PIK3R5: variants seen among roughly 807,000 people sequenced by gnomAD.
PIK3R5 encodes phosphoinositide 3-kinase regulatory subunit 5.
Under a neutral mutation model 94.9 loss-of-function variants are expected in PIK3R5, and 32 were observed. That is an observed-to-expected ratio of 0.34 (90% confidence interval 0.25 to 0.45). PIK3R5 has a LOEUF of 0.45. Among genes scored for constraint, PIK3R5 ranks in the 20% least tolerant of loss-of-function variants. The pLI, the probability that PIK3R5 is intolerant of heterozygous loss-of-function variation, is 1.00. For synonymous variants in PIK3R5, 443 were observed against 479.4 expected, an observed-to-expected ratio of 0.92 and a Z score of 0.99; for missense variants, 853 against 1,144.6, an observed-to-expected ratio of 0.75 and a Z score of 3.68.
chr17:8,880,864 G>C (rs957095951), intron 18 of PIK3R5, 41 bp downstream of exon 18: 2 of 1,613,040 alleles, frequency 1.2e-6, no homozygotes, highest in Non-Finnish European at 1.7e-6. Context: ...GGGTTGGTGG[G>C]AGCAGAAACT....
chr17:8,925,499 AT>A lies in PIK3R5; in HGVS notation c.-13-13993del, dbSNP rs2090865003. On this transcript the variant is annotated intron_variant, in intron 1 of 18. Coordinates refer to ENST00000447110, the MANE Select transcript of PIK3R5 (RefSeq NM_001142633.3). The surrounding 1 kb of genome is among the most constrained non-coding windows in gnomAD (Gnocchi z 5.1). The stretch of plus-strand genomic sequence containing the variant: ...TAGATAGTAGATGGATAGATAGTAG[AT>A]GGATAGATAGTAGATGGATAGATAG... 1.3e-5 allele frequency among the ~76,000 whole-genome samples: 2 copies of A among 151,092 alleles called. No individual in the cohort carries two copies. The highest frequency in any genetic ancestry group is 4.9e-5 in the African/African-American group (2 of 40,592).
rs565334977 is a variant in PIK3R5, at chr17:8,938,101, G to A, written c.-13-26594C>T. 5.9e-5 allele frequency among the ~76,000 whole-genome samples: 9 copies of A among 152,238 alleles called. No individual in the cohort carries two copies. The South Asian group carries it at 1.7e-3, about 28-fold the overall frequency. On this transcript the variant is annotated intron_variant, in intron 1 of 18. Transcript: ENST00000447110. ...GCTGGGCTTCCACATGTGAGCCACC[G>A]CACCCGGCCATTTTTTCTTTAAATG...
At chr17:8,895,467 C>T (rs2090133274) in intron 5 of PIK3R5, among the ~76,000 whole-genome samples, 1 of 152,142 alleles carries the variant, frequency 6.6e-6, no homozygotes, top group African/African-American at 2.4e-5. Context: ...CATTGGCTTC[C>T]AACCCCTCTG....
intron 12 of PIK3R5, 109 bp from the exon 13 acceptor site, chr17:8,886,714 CA>C: frequency 7.9e-7 from 1 of 1,271,458 alleles, no homozygotes; most frequent in Non-Finnish European, 1.1e-6. Context: ...GGCAGCCAGT[CA>C]GGGGGAGCTG....
intron 1 of PIK3R5, among the ~76,000 whole-genome samples, chr17:8,928,974 T>C (rs1033594793): frequency 6.6e-6 from 1 of 152,100 alleles, no homozygotes; most frequent in Non-Finnish European, 1.5e-5. Context: ...ATATTATAAA[T>C]GGAGGCAGGT....
chr17:8,890,032 C>T lies in PIK3R5; in HGVS notation c.752G>A (p.Arg251Gln), dbSNP rs200989986. 2.2e-5 allele frequency: 36 copies of T among 1,614,036 alleles called. No individual in the cohort carries two copies. In the East Asian group the frequency reaches 5.1e-4, roughly 23 times the overall value. ...CGCCTGCAGCTTGGTCCTGAGCCAC[C>T]GCCGGGCCTCTGCAGCATCCCCGAT... Reference protein sequence around the residue: ...SGIGDAAEARRWLRTKLQAVG... With the variant: ...SGIGDAAEARQWLRTKLQAVG... Residue 251 changes from arginine (R) to glutamine (Q), a missense_variant, in exon 8 of 19, where the codon CGG becomes CAG. Physicochemically the swap from Arg to Gln is conservative, Grantham distance 43. Coordinates refer to ENST00000447110, the MANE Select transcript of PIK3R5 (RefSeq NM_001142633.3). This position sits in a 1 kb window ranked among gnomAD's most constrained non-coding sequence, Gnocchi z 6.1.
Position 8,888,831 on chromosome 17 carries a change from T to C in PIK3R5, c.956A>G (p.Asp319Gly). ...CTCCTCCTCTTCCTCCTCTTCATCATCTCCCAGGATCCCTGGCTGGAGTAG... is the reference window on the plus strand; with the variant it reads ...CTCCTCCTCTTCCTCCTCTTCATCACCTCCCAGGATCCCTGGCTGGAGTAG... Reference protein sequence around the residue: ...QELLQPGILGDDEEEEEEEEE... With the variant: ...QELLQPGILGGDEEEEEEEEE... The change falls in exon 10 of 19, where the codon GAT becomes GGT. Residue 319 changes from aspartate (D) to glycine (G), a missense_variant. Transcript: ENST00000447110. This position sits in a 1 kb window ranked among gnomAD's most constrained non-coding sequence, Gnocchi z 7.8. 6.2e-7 allele frequency: 1 copy of C among 1,608,880 alleles called. No individual in the cohort carries two copies. Among genetic ancestry groups the C allele is most frequent in the Non-Finnish European group, 8.5e-7 (1 of 1,179,952 alleles).
chr17:8,964,491 G>A (rs1017800901), intron 1 of PIK3R5, among the ~76,000 whole-genome samples: 11 of 152,150 alleles, frequency 7.2e-5, no homozygotes, highest in Admixed American at 7.2e-4. Context: ...ACAGTGTGAT[G>A]CTGCAGGTCA....
chr17:8,894,545 C>G lies in PIK3R5; in HGVS notation c.413-890G>C, dbSNP rs962898064. 3.3e-5 allele frequency among the ~76,000 whole-genome samples: 5 copies of G among 152,166 alleles called. No individual in the cohort carries two copies. The East Asian group carries it at 9.6e-4, about 29-fold the overall frequency. Reference sequence around the variant, plus strand: ...AGCCCGCATCCCCTTTCTCCCTGGCCCTTCCCCCTCTCTGTCTCCTCTGAC... The same window carrying G: ...AGCCCGCATCCCCTTTCTCCCTGGCGCTTCCCCCTCTCTGTCTCCTCTGAC... On this transcript the variant is annotated intron_variant, in intron 5 of 18. Coordinates refer to ENST00000447110, the MANE Select transcript of PIK3R5 (RefSeq NM_001142633.3).
In PIK3R5 at chr17:8,909,067, C is replaced by A; in HGVS notation, c.204+7G>T. On this transcript the variant is annotated splice_region_variant and intron_variant, in intron 3 of 18. Coordinates refer to ENST00000447110, the MANE Select transcript of PIK3R5 (RefSeq NM_001142633.3). This position sits in a 1 kb window ranked among gnomAD's most constrained non-coding sequence, Gnocchi z 4.3. ...GATCTGCCCTTCAATTCCTGACTCC[C>A]CCTCACCTCTCGGGTCTTCTGCAGG... The A allele has an allele frequency of 6.3e-7, 1 of 1,574,914 alleles. No homozygotes were observed. Among genetic ancestry groups the A allele is most frequent in the Non-Finnish European group, 8.7e-7 (1 of 1,148,586 alleles).
Position 8,892,500 on chromosome 17 carries a change from A to G in PIK3R5, c.482+1086T>C, listed in dbSNP as rs143251053. On this transcript the variant is annotated intron_variant, in intron 6 of 18. Transcript: ENST00000447110. The surrounding 1 kb of genome is among the most constrained non-coding windows in gnomAD (Gnocchi z 4.3). ...CCCTTATGTGAAAAATCCCTTTCTC[A>G]CGGGGTTAACGTGAGGATTAAATGA... Among the ~76,000 whole-genome samples, 1 of 151,988 alleles carries G rather than the reference A, an allele frequency of 6.6e-6. No homozygotes were observed. Among genetic ancestry groups the G allele is most frequent in the Non-Finnish European group, 1.5e-5 (1 of 67,992 alleles).
In PIK3R5 at chr17:8,889,929, G is replaced by T. The variant is rs779505191; in HGVS notation, c.811+44C>A. 6.2e-7 allele frequency: 1 copy of T among 1,606,840 alleles called. No homozygotes were observed. On this transcript the variant is annotated intron_variant, in intron 8 of 18. Transcript: ENST00000447110. The surrounding 1 kb of genome is among the most constrained non-coding windows in gnomAD (Gnocchi z 4.1). ...CCGTGCACCTTGGGACCTAGAATAG[G>T]CCATGGGGAATGTGGGAGAACCCCA...
intron 1 of PIK3R5, among the ~76,000 whole-genome samples, chr17:8,913,665 T>C (rs959859905): frequency 7.9e-5 from 12 of 152,028 alleles, no homozygotes; most frequent in Non-Finnish European, 1.8e-4. Flanking sequence ...TAAGTCGAGA[T>C]CACACCGCTG....
chr17:8,905,354 T>C (rs1304640551), intron 4 of PIK3R5, among the ~76,000 whole-genome samples: 2 of 62,138 alleles, frequency 3.2e-5, no homozygotes, highest in African/African-American at 8.8e-5. Context: ...GGTGATCACA[T>C]TGGGTGAAAC....
chr17:8,891,128 T>C (rs1472046437), intron 6 of PIK3R5, among the ~76,000 whole-genome samples: 3 of 152,220 alleles, frequency 2.0e-5, no homozygotes, highest in Admixed American at 1.3e-4. Context: ...CTGCTGAGCA[T>C]TTTTCAGCTG....
rs377164611 is a variant in PIK3R5, at chr17:8,924,309, G to A, written c.-13-12802C>T. On this transcript the variant is annotated intron_variant, in intron 1 of 18. Transcript: ENST00000447110. ...TGCCAGGCTGATCTTGAACTCCTGA[G>A]CTCAAGCAATCTGCTGGCTTCAGCC... Among the ~76,000 whole-genome samples the A allele has an allele frequency of 9.3e-5, 14 of 150,876 alleles. 1 individual carries two copies. In the South Asian group the frequency reaches 2.9e-3, roughly 32 times the overall value.
chr17:8,949,521 A>G (rs1292221429), intron 1 of PIK3R5, among the ~76,000 whole-genome samples: 1 of 152,226 alleles, frequency 6.6e-6, no homozygotes, highest in East Asian at 1.9e-4. Flanking sequence ...TATAAGAGAC[A>G]GAGACAGAGA....
intron 1 of PIK3R5, among the ~76,000 whole-genome samples, chr17:8,936,712 T>C (rs1470729281): frequency 6.6e-6 from 1 of 152,226 alleles, no homozygotes; most frequent in African/African-American, 2.4e-5. Context: ...TCTGACTTTG[T>C]TCTTCTTCAA....
intron 1 of PIK3R5, chr17:8,915,552 G>A (rs2090613397): frequency 1.3e-5 from 2 of 152,438 alleles, no homozygotes; most frequent in African/African-American, 2.4e-5. Flanking sequence ...GTGTGCCAGA[G>A]GGGATACCGA....
Sources: allele counts gnomAD v4.1 joint callset (sites outside exome capture counted in the v4.1 genomes callset), GRCh38; gene constraint gnomAD v4.1.1; non-coding constraint Gnocchi (gnomAD v3.1); transcripts MANE v1.5; gene names NCBI Gene and HGNC (gene_info 2026-07-23, HGNC 2026-07-21).